Variants in EP400 observed in about 807,000 individuals in gnomAD.
EP400 encodes E1A-binding protein p400.
EP400 carries 105 observed loss-of-function variants against 354.1 expected under a neutral mutation model. The ratio of observed to expected loss-of-function variants is 0.30; its 90% confidence interval spans 0.25 to 0.35. The LOEUF is 0.35. Ranked by LOEUF, EP400 falls within the 10% of genes least tolerant of loss-of-function variation. The pLI is 1.00. For synonymous variants in EP400, 1,646 were observed against 1,716.9 expected (o/e 0.96, Z 1.02); for missense variants, 3,280 against 4,121.0 (o/e 0.80, Z 5.59).
rs1489608192 is a variant in EP400 at position 132,078,480 on chromosome 12, A to G, written c.*807A>G. 1 of 152,306 alleles carries G rather than the reference A, an allele frequency of 6.6e-6. No homozygotes were observed. The allele number at this position is 152,306 out of a possible 1,614,324, so 9.4% of individuals were successfully genotyped here. On this transcript the variant is annotated 3_prime_UTR_variant, in exon 53 of 53. Transcript: ENST00000389561. The stretch of plus-strand genomic sequence containing the variant: ...TCTCCAGTTTTCGGGGGAAGCTGGT[A>G]TTTGACATAGTGTGTTAAACAGCTC...
rs1008282824 is a variant in EP400 at position 132,079,051 on chromosome 12, G to A, written c.*1378G>A. On this transcript the variant is annotated 3_prime_UTR_variant, in exon 53 of 53. Transcript: ENST00000389561. The stretch of plus-strand genomic sequence containing the variant: ...GAAATTAGGTTATATTAGGTTTTTT[G>A]TATACTAAAAATCAGTTATGGCACA... 4 of 152,108 alleles carry A rather than the reference G, an allele frequency of 2.6e-5. No homozygotes were observed. The highest frequency in any genetic ancestry group is 7.2e-5 in the African/African-American group (3 of 41,436). 9.4% of individuals were successfully genotyped at this position (152,108 alleles called of 1,614,324 possible). A position where few individuals can be genotyped will look rare whatever the true frequency, so the allele number is the denominator to read the frequency against.
rs1005467898 is a variant in EP400, at chr12:132,029,450, C to G, written c.5382-251C>G. 12 of 548,982 alleles carry G rather than the reference C, an allele frequency of 2.2e-5. No individual in the cohort carries two copies. Among genetic ancestry groups the G allele is most frequent in the African/African-American group, 3.8e-5 (2 of 53,194 alleles). 34.0% of individuals were successfully genotyped at this position (548,982 alleles called of 1,614,324 possible). A position where few individuals can be genotyped will look rare whatever the true frequency, so the allele number is the denominator to read the frequency against. Reference sequence around the variant, plus strand: ...TGCCTGCGGCCTAGGGAATCCACCCCCATTGATCCATCAGCCCTGGACTGT... The same window carrying G: ...TGCCTGCGGCCTAGGGAATCCACCCGCATTGATCCATCAGCCCTGGACTGT... On this transcript the variant is annotated intron_variant, in intron 27 of 52. Coordinates refer to ENST00000389561, the MANE Select transcript of EP400 (RefSeq NM_015409.5). The surrounding 1 kb of genome is among the most constrained non-coding windows in gnomAD (Gnocchi z 4.7).
intron 2 of EP400, 110 bp downstream of exon 2, chr12:131,962,064 T>G (rs1202930636): frequency 2.2e-6 from 3 of 1,375,142 alleles, no homozygotes; most frequent in Non-Finnish European, 2.9e-6. Flanking sequence ...CTAAGGTATT[T>G]CTAAGGTGTT....
intron 45 of EP400, among the ~76,000 whole-genome samples, chr12:132,058,171 A>G (rs1479585372): frequency 6.6e-6 from 1 of 152,134 alleles, no homozygotes; most frequent in Non-Finnish European, 1.5e-5. Flanking sequence ...TCTGAGGGGA[A>G]GGGAATGGCG....
At chr12:132,049,931 A>G (rs749496712) in intron 39 of EP400, among the ~76,000 whole-genome samples, 2 of 152,208 alleles carry the variant, frequency 1.3e-5, no homozygotes, top group Non-Finnish European at 2.9e-5. Context: ...GGCAGATGAC[A>G]GTGTTGTCCG....
In EP400 at chr12:132,078,523, A is replaced by C. The variant is rs1896303816; in HGVS notation, c.*850A>C. 1 of 152,308 alleles carries C rather than the reference A, an allele frequency of 6.6e-6. No individual in the cohort carries two copies. 9.4% of individuals were successfully genotyped at this position (152,308 alleles called of 1,614,324 possible). A position where few individuals can be genotyped will look rare whatever the true frequency, so the allele number is the denominator to read the frequency against. On this transcript the variant is annotated 3_prime_UTR_variant, in exon 53 of 53. Coordinates refer to ENST00000389561, the MANE Select transcript of EP400 (RefSeq NM_015409.5). ...AACAGCTCCTGAGAACCTTTGGGAC[A>C]CTCTGCCATGGCTGGCGTGAGGCCC...
chr12:131,961,321 C>T lies in EP400; in HGVS notation c.702C>T (p.Ile234=), dbSNP rs1450110992. Residue 234 remains isoleucine, a synonymous_variant, in exon 2 of 53, where the codon ATC becomes ATT. Transcript: ENST00000389561. The part of the protein sequence containing the change: ...SQPHTQSGGT[I]HHLGPQSPAA... ...CCCACACACAGTCAGGGGGCACCAT[C>T]CACCACCTGGGACCCCAGAGCCCTG... The T allele has an allele frequency of 7.3e-7, 1 of 1,371,236 alleles. No individual in the cohort carries two copies. 84.9% of individuals were successfully genotyped at this position (1,371,236 alleles called of 1,614,324 possible). A position where few individuals can be genotyped will look rare whatever the true frequency, so the allele number is the denominator to read the frequency against.
chr12:131,958,167 A>G (rs753709336), intron 1 of EP400, among the ~76,000 whole-genome samples: 2 of 152,192 alleles, frequency 1.3e-5, no homozygotes, highest in African/African-American at 2.4e-5. Context: ...CTAATCTCCT[A>G]TCATAATGTT....
rs142176977 is a variant in EP400 at position 132,017,345 on chromosome 12, A to T, written c.3924-190A>T. Among the ~76,000 whole-genome samples the T allele has an allele frequency of 4.3e-4, 65 of 152,212 alleles. 1 individual carries two copies. The highest frequency in any genetic ancestry group is 1.4e-3 in the African/African-American group (60 of 41,526). On this transcript the variant is annotated intron_variant, in intron 19 of 52. Coordinates refer to ENST00000389561, the MANE Select transcript of EP400 (RefSeq NM_015409.5). This position sits in a 1 kb window ranked among gnomAD's most constrained non-coding sequence, Gnocchi z 5.0. ...GGGGCGGATGTCATTCTCAATGGGG[A>T]TGGCGAACAAGTGCAGAGGGGCCTG...
intron 34 of EP400, 136 bp from the exon 35 acceptor site, chr12:132,044,041 G>C: frequency 7.9e-7 from 1 of 1,258,014 alleles, no homozygotes; most frequent in South Asian, 1.4e-5. Context: ...TGCTGCTTGT[G>C]GGGGTGATGC....
chr12:132,062,770 G>T, intron 47 of EP400, 69 bp downstream of exon 47: 1 of 1,581,046 alleles, frequency 6.3e-7, no homozygotes, highest in Non-Finnish European at 8.7e-7. Context: ...CTGTGAGACG[G>T]TGCCTGCTTG....
intron 1 of EP400, among the ~76,000 whole-genome samples, chr12:131,957,525 CTT>C (rs35977358): frequency 4.2e-5 from 5 of 118,468 alleles, no homozygotes; most frequent in Non-Finnish European, 5.5e-5. Flanking sequence ...TTCTTTCTTT[CTT>C]TTTTTTTTTT....
Position 132,029,459 on chromosome 12 carries a change from C to T in EP400, c.5382-242C>T, listed in dbSNP as rs987415572. 2 of 552,506 alleles carry T rather than the reference C, an allele frequency of 3.6e-6. No homozygotes were observed. Among genetic ancestry groups the T allele is most frequent in the Non-Finnish European group, 6.4e-6 (2 of 311,124 alleles). 34.2% of individuals were successfully genotyped at this position (552,506 alleles called of 1,614,324 possible). On this transcript the variant is annotated intron_variant, in intron 27 of 52. Transcript: ENST00000389561. The surrounding 1 kb of genome is among the most constrained non-coding windows in gnomAD (Gnocchi z 4.7). ...CCTAGGGAATCCACCCCCATTGATC[C>T]ATCAGCCCTGGACTGTCTGAATTAG...
chr12:131,989,663 AATC>A (rs1776457989), intron 7 of EP400, among the ~76,000 whole-genome samples: 1 of 152,256 alleles, frequency 6.6e-6, no homozygotes, highest in Non-Finnish European at 1.5e-5. Context: ...GAGAGATGTT[AATC>A]ATCTATTAAA....
chr12:131,968,557 C>G (rs1892179474), intron 2 of EP400, among the ~76,000 whole-genome samples: 1 of 152,144 alleles, frequency 6.6e-6, no homozygotes, highest in South Asian at 2.1e-4. Context: ...CATTCTGGTT[C>G]CTTTCCCTTT....
At chr12:131,950,761 A>T (rs371034337) in intron 1 of EP400, among the ~76,000 whole-genome samples, 1 of 152,100 alleles carries the variant, frequency 6.6e-6, no homozygotes, top group Non-Finnish European at 1.5e-5. Context: ...CTTTATTAGT[A>T]ATTACTTTCT....
chr12:132,006,177 A>G lies in EP400; in HGVS notation c.3001A>G (p.Ile1001Val), dbSNP rs770796136. The change falls in exon 14 of 53, where the codon ATC becomes GTC. Residue 1001 changes from isoleucine (I) to valine (V), a missense_variant. Ile to Val is a conservative substitution (Grantham distance 29, BLOSUM62 3). Transcript: ENST00000389561. ...CTTGGTTCTCATCGACTCGCTTTTC[A>G]TCATGGATCAGTTCAAAGCTGCCGA... is the stretch of plus-strand genomic sequence containing the variant. ...KDLVLIDSLF[I>V]MDQFKAAERM... 2.5e-6 allele frequency: 4 copies of G among 1,614,072 alleles called. No individual in the cohort carries two copies. In the East Asian group the frequency reaches 6.7e-5, roughly 27 times the overall value.
intron 12 of EP400, among the ~76,000 whole-genome samples, chr12:131,998,183 A>G (rs1893281110): frequency 2.6e-5 from 4 of 152,114 alleles, no homozygotes; most frequent in Admixed American, 2.6e-4. Context: ...CTTTCTTACT[A>G]TAGCTTTATA....
intron 15 of EP400, among the ~76,000 whole-genome samples, chr12:132,007,720 T>A (rs1475271014): frequency 6.6e-6 from 1 of 152,256 alleles, no homozygotes; most frequent in African/African-American, 2.4e-5. Context: ...GCTTTGCTAT[T>A]GCTGCAGAGA....
Sources: gnomAD v4.1 joint callset for allele counts (sites outside exome capture counted in the v4.1 genomes callset) on GRCh38, gnomAD v4.1.1 for gene constraint, Gnocchi (gnomAD v3.1) non-coding constraint, MANE v1.5 for transcripts, NCBI Gene and HGNC (gene_info 2026-07-23, HGNC 2026-07-21) for gene names.